Variants in TAF1 observed in about 807,000 individuals in gnomAD.
TAF1 encodes the protein TATA-box binding protein associated factor 1, also known as transcription initiation factor TFIID subunit 1.
In TAF1, 2 loss-of-function variants were observed where a neutral mutation model predicts 138.5. The ratio of observed to expected loss-of-function variants is 0.01; its 90% CI spans 0.01 to 0.05. The LOEUF is 0.05. Ranked by LOEUF, TAF1 falls within the 10% of genes least tolerant of loss-of-function variation. TAF1 has a pLI of 1.00. For missense variants in TAF1, 709 were observed against 1,478.0 expected, an observed-to-expected ratio of 0.48 and a Z score of 8.53; for synonymous variants, 437 against 503.2, an observed-to-expected ratio of 0.87 and a Z score of 1.76.
intron 32 of TAF1, among the ~76,000 whole-genome samples, chrX:71,429,816 T>C (rs1231788800): frequency 3.6e-5 from 4 of 110,584 alleles, no homozygotes; most frequent in Non-Finnish European, 7.6e-5. Context: ...AGAATTGATA[T>C]TTCATAAATG....
At chrX:71,420,765 C>T (rs994068984) in intron 28 of TAF1, among the ~76,000 whole-genome samples, 1 of 112,868 alleles carries the variant, frequency 8.9e-6, no homozygotes, top group African/African-American at 3.2e-5. Flanking sequence ...GGGTGGGGGG[C>T]GCAAGGCCAG....
At chrX:71,407,203 G>A (rs919792409) in intron 26 of TAF1, among the ~76,000 whole-genome samples, 7 of 102,551 alleles carry the variant, frequency 6.8e-5, no homozygotes, top group African/African-American at 1.5e-4. Flanking sequence ...GTGAGCCACC[G>A]TGCTCGGCAG....
intron 32 of TAF1, among the ~76,000 whole-genome samples, chrX:71,445,548 A>G (rs920709717): frequency 7.2e-5 from 8 of 111,689 alleles, no homozygotes; most frequent in Non-Finnish European, 1.5e-4. Context: ...CTTTATCAAA[A>G]ATCAGTTGAG....
At position 71,465,974 on chromosome X, in the gene TAF1, T is replaced by G. The variant is rs987205980; in HGVS notation, c.*1928T>G. 1.8e-5 allele frequency: 2 copies of G among 112,333 alleles called. No homozygotes were observed. The highest frequency in any genetic ancestry group is 9.5e-5 in the Admixed American group (1 of 10,490). 9.3% of individuals were successfully genotyped at this position (112,333 alleles called of 1,213,427 possible). A position where few individuals can be genotyped will look rare whatever the true frequency, so the allele number is the denominator to read the frequency against. On this transcript the variant is annotated 3_prime_UTR_variant, in exon 38 of 38. Transcript: ENST00000423759. Reference sequence around the variant, plus strand: ...GTTTGAATTTTTTTACAGTATGTATTATTTTTGTAATAAAAATTTTAAAAA... The same window carrying G: ...GTTTGAATTTTTTTACAGTATGTATGATTTTTGTAATAAAAATTTTAAAAA...
chrX:71,405,327 T>C (rs1484871099), intron 25 of TAF1, among the ~76,000 whole-genome samples: 1 of 110,803 alleles, frequency 9.0e-6, no homozygotes, highest in African/African-American at 3.3e-5. Context: ...ACAGTTACAG[T>C]CATTTATGTG....
chrX:71,449,704 G>A (rs761232765), intron 32 of TAF1, among the ~76,000 whole-genome samples: 5 of 112,147 alleles, frequency 4.5e-5, no homozygotes, highest in Admixed American at 9.4e-5. Flanking sequence ...AGGAACTACC[G>A]TTGTACAGGC....
intron 13 of TAF1, among the ~76,000 whole-genome samples, chrX:71,494,152 G>A (rs775039668): frequency 1.8e-4 from 20 of 111,544 alleles, no homozygotes; most frequent in Non-Finnish European, 2.4e-4. Flanking sequence ...GCCCAGCGTC[G>A]TGGCTCATGC....
At chrX:71,486,517 GCTAT>G (rs1183581237) in intron 13 of TAF1, among the ~76,000 whole-genome samples, 1 of 105,547 alleles carries the variant, frequency 9.5e-6, no homozygotes, top group Non-Finnish European at 1.9e-5. Flanking sequence ...ACCACGCCTG[GCTAT>G]CTTTTTTTTT....
intron 37 of TAF1, chrX:71,461,076 C>T: frequency 3.1e-6 from 1 of 321,124 alleles, no homozygotes; most frequent in Non-Finnish European, 5.5e-6. Context: ...GCCAAAGCAC[C>T]ACTGAGAAGG....
chrX:71,378,867 C>G lies in TAF1; in HGVS notation c.1196C>G (p.Ala399Gly). The change falls in exon 8 of 38, where the codon GCT (alanine) becomes GGT (glycine). Residue 399 changes from alanine to glycine, a missense_variant. Ala to Gly is a moderately conservative substitution (Grantham distance 60). Transcript: ENST00000423759. ...GAAAACAATGGCACTGATCTTCTGG[C>G]TGATGAAAACTTCCTGATGGTGACA... ...LEENNGTDLL[A>G]DENFLMVTQL... 8.3e-7 allele frequency: 1 copy of G among 1,211,407 alleles called. No individual in the cohort carries two copies. Among genetic ancestry groups the G allele is most frequent in the Non-Finnish European group, 1.1e-6 (1 of 895,504 alleles).
At chrX:71,369,104 C>T (rs1421203600) in intron 3 of TAF1, 1 of 110,308 alleles carries the variant, frequency 9.1e-6, no homozygotes, top group African/African-American at 3.3e-5. Flanking sequence ...CCTGCCTCGG[C>T]TTCCCAAAGT....
chrX:71,371,491 A>C (rs1213664508), intron 3 of TAF1, among the ~76,000 whole-genome samples: 1 of 111,937 alleles, frequency 8.9e-6, no homozygotes, highest in Admixed American at 9.6e-5. Flanking sequence ...TTTAGAAATA[A>C]GCAAGTAGTG....
In TAF1 at chrX:71,375,069, C is replaced by CT. The variant is rs1176685467; in HGVS notation, c.353-97dup. 25 of 1,063,291 alleles carry CT rather than the reference C, an allele frequency of 2.4e-5. No homozygotes were observed. In the East Asian group the frequency reaches 7.4e-4, roughly 31 times the overall value. The allele number at this position is 1,063,291 out of a possible 1,213,427, so 87.6% of individuals were successfully genotyped here. On this transcript the variant is annotated intron_variant, in intron 3 of 37. Coordinates refer to ENST00000423759, the MANE Select transcript of TAF1 (RefSeq NM_004606.5). ...CCAGCCTGGGCGACAGAGCAAGACT[C>CT]TGTCTCAAAAAAAAAAAAAAAATTG...
At chrX:71,374,066 G>A (rs960052662) in intron 3 of TAF1, among the ~76,000 whole-genome samples, 2 of 110,781 alleles carry the variant, frequency 1.8e-5, no homozygotes, top group Non-Finnish European at 3.8e-5. Flanking sequence ...TTCATATGTT[G>A]TATGATTTTT....
intron 33 of TAF1, among the ~76,000 whole-genome samples, chrX:71,454,447 A>C (rs970289906): frequency 4.5e-5 from 5 of 111,265 alleles, no homozygotes; most frequent in Non-Finnish European, 9.4e-5. Context: ...CCTGGGCAAC[A>C]GCAAAACCCT....
chrX:71,478,858 C>A (rs768610645), intron 13 of TAF1, among the ~76,000 whole-genome samples: 26 of 112,411 alleles, frequency 2.3e-4, no homozygotes, highest in Non-Finnish European at 3.8e-4. Context: ...TGGTCTTGAA[C>A]TCCTGACCTC....
intron 4 of TAF1, among the ~76,000 whole-genome samples, chrX:71,376,543 T>C (rs1021556396): frequency 2.7e-5 from 3 of 109,765 alleles, no homozygotes; most frequent in African/African-American, 1.0e-4. Context: ...GGCGCATGAC[T>C]GTAATCCCAG....
At position 71,368,041 on chromosome X, in the gene TAF1, G is replaced by C; in HGVS notation, c.236-13G>C. 1 of 1,205,352 alleles carries C rather than the reference G, an allele frequency of 8.3e-7. No individual in the cohort carries two copies. The highest frequency in any genetic ancestry group is 1.7e-5 in the African/African-American group (1 of 57,652). ...GCTTACTGTTGTTGCGATTCTCCCT[G>C]CTTTTTTCATAGGGTGGGTTAGGAG... On this transcript the variant is annotated splice_polypyrimidine_tract_variant and intron_variant, in intron 2 of 37. Coordinates refer to ENST00000423759, the MANE Select transcript of TAF1 (RefSeq NM_004606.5).
At chrX:71,431,332 G>T (rs1198801982) in intron 32 of TAF1, among the ~76,000 whole-genome samples, 5 of 109,828 alleles carry the variant, frequency 4.6e-5, no homozygotes, top group Non-Finnish European at 5.7e-5. Context: ...CAAAGTGCTG[G>T]GATTATAGGC....
Sources: gnomAD v4.1 joint callset for allele counts (sites outside exome capture counted in the v4.1 genomes callset) on GRCh38, gnomAD v4.1.1 for gene constraint, MANE v1.5 for transcripts, NCBI Gene and HGNC (gene_info 2026-07-23, HGNC 2026-07-21) for gene names.